The following RAB27A variants were observed in gnomAD, a reference collection of about 807,000 sequenced individuals.
RAB27A encodes the protein ras-related protein Rab-27A.
RAB27A carries 17 observed loss-of-function variants against 20.8 expected under a neutral mutation model. That is an observed-to-expected ratio of 0.82 (90% confidence interval 0.56 to 1.23). The LOEUF (loss-of-function observed/expected upper bound fraction) is 1.23, where lower values mean the gene tolerates loss of function less well. Ranked by LOEUF, RAB27A falls within the 50% of genes most tolerant of loss-of-function variation. RAB27A has a pLI of 0.00. For missense variants in RAB27A, 277 were observed against 266.7 expected (o/e 1.04, Z -0.27); for synonymous variants, 85 against 92.8 (o/e 0.92, Z 0.48).
At chr15:55,216,068 T>C (rs1040342032) in intron 6 of RAB27A, among the ~76,000 whole-genome samples, 1 of 152,096 alleles carries the variant, frequency 6.6e-6, no homozygotes, top group Admixed American at 6.6e-5. Context: ...GTGCCTCCGC[T>C]GCTTCATCTG....
intron 2 of RAB27A, among the ~76,000 whole-genome samples, chr15:55,241,616 A>G (rs1033114358): frequency 2.3e-5 from 3 of 133,064 alleles, no homozygotes; most frequent in Admixed American, 1.4e-4. Flanking sequence ...ATATATATAT[A>G]TATATATATG....
intron 1 of RAB27A, among the ~76,000 whole-genome samples, chr15:55,278,162 T>G (rs1260931472): frequency 3.3e-5 from 5 of 152,250 alleles, no homozygotes; most frequent in Admixed American, 3.3e-4. Context: ...TGTTTGCTTT[T>G]GTGAATTTCC....
chr15:55,265,294 T>C (rs1595732155), intron 2 of RAB27A, among the ~76,000 whole-genome samples: 1 of 151,666 alleles, frequency 6.6e-6, no homozygotes, highest in East Asian at 1.9e-4. Flanking sequence ...CACAAGCCGT[T>C]GGGGAGATGG....
At chr15:55,234,215 T>G (rs940262880) in intron 3 of RAB27A, among the ~76,000 whole-genome samples, 1 of 152,178 alleles carries the variant, frequency 6.6e-6, no homozygotes, top group Non-Finnish European at 1.5e-5. Flanking sequence ...AACACTAGAA[T>G]AACTTTCAGT....
intron 1 of RAB27A, among the ~76,000 whole-genome samples, chr15:55,281,181 A>G (rs1898006893): frequency 6.6e-6 from 1 of 152,182 alleles, no homozygotes; most frequent in South Asian, 2.1e-4. Flanking sequence ...AGTTTTGAGG[A>G]AGCATTAACA....
intron 2 of RAB27A, among the ~76,000 whole-genome samples, chr15:55,311,723 G>A (rs1004424786): frequency 2.6e-5 from 4 of 152,158 alleles, no homozygotes; most frequent in Admixed American, 1.3e-4. Flanking sequence ...AGAGGATATC[G>A]TGGCCAGGTG....
At chr15:55,233,990 A>G (rs1319109627) in intron 3 of RAB27A, among the ~76,000 whole-genome samples, 2 of 152,176 alleles carry the variant, frequency 1.3e-5, no homozygotes, top group Non-Finnish European at 2.9e-5. Context: ...AAATACTAGA[A>G]TGGGCAAAAG....
rs1483742338 is a variant in RAB27A, at chr15:55,224,005, T to C, written c.351A>G (p.Leu117=). 2 of 1,574,780 alleles carry C rather than the reference T, an allele frequency of 1.3e-6. No individual in the cohort carries two copies. The highest frequency in any genetic ancestry group is 1.7e-6 in the Non-Finnish European group (2 of 1,144,616). ...FLNVRNWISQ[L]QMHAYCENPD... ...GGTTTTCACAATATGCATGCATCTG[T>C]AGCTGGCCTATTAATATAAGAAAGT... The change falls in exon 6 of 7, where the codon CTA becomes CTG. Residue 117 remains leucine, a synonymous_variant. Coordinates refer to ENST00000336787, the MANE Select transcript of RAB27A (RefSeq NM_183235.3).
At chr15:55,207,092 G>T (rs992114138) in intron 6 of RAB27A, among the ~76,000 whole-genome samples, 4 of 152,004 alleles carry the variant, frequency 2.6e-5, no homozygotes, top group Admixed American at 1.3e-4. Flanking sequence ...TAAAATAATG[G>T]TATATTAACT....
chr15:55,259,066 T>C (rs1897183454), intron 2 of RAB27A, among the ~76,000 whole-genome samples: 1 of 152,204 alleles, frequency 6.6e-6, no homozygotes, highest in African/African-American at 2.4e-5. Context: ...TCCGCCCACC[T>C]TGGCCGTCCA....
intron 5 of RAB27A, among the ~76,000 whole-genome samples, chr15:55,226,704 A>G (rs1895814885): frequency 6.6e-6 from 1 of 151,976 alleles, no homozygotes; most frequent in African/African-American, 2.4e-5. Context: ...CCCCATCTCT[A>G]CAAAAATACA....
At chr15:55,306,741 C>T (rs186040370) in intron 2 of RAB27A, among the ~76,000 whole-genome samples, 244 of 152,212 alleles carry the variant, frequency 1.6e-3, no homozygotes, top group African/African-American at 5.7e-3. Flanking sequence ...GATGGGGCAT[C>T]AATATGTCTG....
intron 3 of RAB27A, among the ~76,000 whole-genome samples, chr15:55,231,185 A>C (rs1298550417): frequency 6.6e-6 from 1 of 152,174 alleles, no homozygotes; most frequent in Non-Finnish European, 1.5e-5. Context: ...TCTATGATGT[A>C]TATGTACCAC....
In RAB27A at chr15:55,204,346, T is replaced by C. The variant is rs1291805086; in HGVS notation, c.*1161A>G. The C allele has an allele frequency of 6.6e-6, 1 of 152,224 alleles. No homozygotes were observed. The highest frequency in any genetic ancestry group is 1.5e-5 in the Non-Finnish European group (1 of 68,042). 9.4% of individuals were successfully genotyped at this position (152,224 alleles called of 1,614,324 possible). Reference sequence around the variant, plus strand: ...AAGACCCAGCAAGTACAGTAAATGCTCATGAGCTCTATGAAAAATATAGGC... The same window carrying C: ...AAGACCCAGCAAGTACAGTAAATGCCCATGAGCTCTATGAAAAATATAGGC... On this transcript the variant is annotated 3_prime_UTR_variant, in exon 7 of 7. Coordinates refer to ENST00000336787, the MANE Select transcript of RAB27A (RefSeq NM_183235.3).
At chr15:55,219,250 T>C (rs1357125279) in intron 6 of RAB27A, among the ~76,000 whole-genome samples, 1 of 152,152 alleles carries the variant, frequency 6.6e-6, no homozygotes, top group Admixed American at 6.5e-5. Context: ...GCCTATATCA[T>C]AGGTGATGTA....
chr15:55,308,708 C>G (rs1236618610), intron 2 of RAB27A, among the ~76,000 whole-genome samples: 1 of 152,218 alleles, frequency 6.6e-6, no homozygotes, highest in Non-Finnish European at 1.5e-5. Context: ...AATGCGCAGT[C>G]GCAGCACTGG....
chr15:55,215,565 TG>T (rs1346192521), intron 6 of RAB27A, among the ~76,000 whole-genome samples: 1 of 142,692 alleles, frequency 7.0e-6, no homozygotes, highest in African/African-American at 2.7e-5. Context: ...GGCAGGAGAA[TG>T]GCGTGAACCC....
At chr15:55,215,247 G>A (rs1486173550) in intron 6 of RAB27A, among the ~76,000 whole-genome samples, 1 of 152,132 alleles carries the variant, frequency 6.6e-6, no homozygotes, top group East Asian at 1.9e-4. Context: ...CACAGCTCCT[G>A]AAAATTACTT....
At chr15:55,297,282 G>A (rs2141140925) in intron 2 of RAB27A, among the ~76,000 whole-genome samples, 1 of 152,368 alleles carries the variant, frequency 6.6e-6, no homozygotes. Context: ...ATACGTGCAT[G>A]TGTGTGAAAC....
Sources: gnomAD v4.1 joint callset for allele counts (sites outside exome capture counted in the v4.1 genomes callset) on GRCh38, gnomAD v4.1.1 for gene constraint, MANE v1.5 for transcripts, NCBI Gene and HGNC (gene_info 2026-07-23, HGNC 2026-07-21) for gene names.